Variants in PIEZO2 observed in about 807,000 individuals in gnomAD.
PIEZO2 encodes piezo type mechanosensitive ion channel component 2, also known as piezo-type mechanosensitive ion channel component 2.
Under a neutral mutation model 337.3 loss-of-function variants are expected in PIEZO2, and 172 were observed. That is an observed-to-expected ratio of 0.51 (90% CI 0.45 to 0.58). PIEZO2 has a LOEUF of 0.58. Among genes scored for constraint, PIEZO2 ranks in the 20% least tolerant of loss-of-function variants. PIEZO2 has a pLI of 0.00. For synonymous variants in PIEZO2, 1,251 were observed against 1,228.5 expected (o/e 1.02, Z -0.38); for missense variants, 3,028 against 3,391.3 (o/e 0.89, Z 2.66).
At position 10,813,760 on chromosome 18, in the gene PIEZO2, A is replaced by C. The variant is rs1347257836; in HGVS notation, c.918-6486T>G. On this transcript the variant is annotated intron_variant, in intron 7 of 55. Coordinates refer to ENST00000674853, the MANE Select transcript of PIEZO2 (RefSeq NM_001378183.1). This position sits in a 1 kb window ranked among gnomAD's most constrained non-coding sequence, Gnocchi z 4.2. ...CTTTTCTATATATAGCCATAAGTGA[A>C]ATTGTTGGATCGTATGACCATTCTA... is the stretch of plus-strand genomic sequence containing the variant. Among the ~76,000 whole-genome samples, 1 of 152,040 alleles carries C rather than the reference A, an allele frequency of 6.6e-6. No individual in the cohort carries two copies. The highest frequency in any genetic ancestry group is 1.5e-5 in the Non-Finnish European group (1 of 68,012).
chr18:10,743,753 T>C (rs1252576733), intron 31 of PIEZO2, among the ~76,000 whole-genome samples: 1 of 152,198 alleles, frequency 6.6e-6, no homozygotes, highest in Non-Finnish European at 1.5e-5. Context: ...AGACCTTGTG[T>C]CATTCATTAG....
intron 3 of PIEZO2, among the ~76,000 whole-genome samples, chr18:10,965,909 A>C (rs1017880309): frequency 6.6e-6 from 1 of 152,220 alleles, no homozygotes; most frequent in African/African-American, 2.4e-5. Flanking sequence ...TATAAGGTCC[A>C]TGAGGGGAAG....
intron 1 of PIEZO2, among the ~76,000 whole-genome samples, chr18:11,075,066 C>T (rs1178180090): frequency 1.3e-5 from 2 of 152,152 alleles, no homozygotes; most frequent in Non-Finnish European, 2.9e-5. Flanking sequence ...TCTTTATTGC[C>T]TCAAGGAGCT....
chr18:11,141,233 T>C (rs993710600), intron 1 of PIEZO2, among the ~76,000 whole-genome samples: 1 of 152,194 alleles, frequency 6.6e-6, no homozygotes, highest in Non-Finnish European at 1.5e-5. Flanking sequence ...AAGAGCCTAT[T>C]TGCCGCCAGT....
rs572449615 is a variant in PIEZO2, at chr18:10,879,458, C to CGAT, written c.330-8046_330-8044dup. On this transcript the variant is annotated intron_variant, in intron 4 of 55. Transcript: ENST00000674853. ...TTGCCCAGGCTGGAGTGCAGTAGTGCGATCTCGGCTCACTGCAAGCTCCGC... is the reference window on the plus strand; with the variant it reads ...TTGCCCAGGCTGGAGTGCAGTAGTGCGATGATCTCGGCTCACTGCAAGCTCCGC... 4.6e-3 allele frequency among the ~76,000 whole-genome samples: 593 copies of CGAT among 128,866 alleles called. 1 individual carries two copies. The highest frequency in any genetic ancestry group is 0.024 in the Middle Eastern group (4 of 170). The allele number at this position is 128,866 out of a possible 152,430, so 84.5% of individuals were successfully genotyped here. A position where few individuals can be genotyped will look rare whatever the true frequency, so the allele number is the denominator to read the frequency against.
At chr18:11,076,700 A>G (rs1443094756) in intron 1 of PIEZO2, among the ~76,000 whole-genome samples, 2 of 152,230 alleles carry the variant, frequency 1.3e-5, no homozygotes, top group Non-Finnish European at 2.9e-5. Context: ...TTCACATCAT[A>G]TATTAGTAAC....
At chr18:10,704,727 C>T (rs1271946826) in intron 41 of PIEZO2, 75 bp from the exon 42 acceptor site, 4 of 1,474,764 alleles carry the variant, frequency 2.7e-6, no homozygotes, top group African/African-American at 2.8e-5. Context: ...TCTTGTTGCC[C>T]AGGCTGGAGT....
intron 18 of PIEZO2, among the ~76,000 whole-genome samples, chr18:10,776,813 T>TC (rs1289076589): frequency 6.6e-6 from 1 of 152,096 alleles, no homozygotes; most frequent in Non-Finnish European, 1.5e-5. Context: ...GCTTTTTTTT[T>TC]CCTTCCTAGC....
chr18:10,929,891 C>T lies in PIEZO2; in HGVS notation c.287-18663G>A, dbSNP rs529907871. Among the ~76,000 whole-genome samples, 1 of 152,258 alleles carries T rather than the reference C, an allele frequency of 6.6e-6. No individual in the cohort carries two copies. Among genetic ancestry groups the T allele is most frequent in the East Asian group, 1.9e-4 (1 of 5,184 alleles). ...CTCAGCCCAGGAGGCCCAAAGAAGCCTAAAAAACCAGTTCAGACAATGACA... is the reference window on the plus strand; with the variant it reads ...CTCAGCCCAGGAGGCCCAAAGAAGCTTAAAAAACCAGTTCAGACAATGACA... On this transcript the variant is annotated intron_variant, in intron 3 of 55. Transcript: ENST00000674853. This position sits in a 1 kb window ranked among gnomAD's most constrained non-coding sequence, Gnocchi z 5.6.
chr18:10,808,822 G>A (rs745477631), intron 7 of PIEZO2, among the ~76,000 whole-genome samples: 7 of 152,122 alleles, frequency 4.6e-5, no homozygotes, highest in Non-Finnish European at 7.4e-5. Context: ...AAAGCTTTTC[G>A]ATGTAAAATC....
At position 10,783,254 on chromosome 18, in the gene PIEZO2, G is replaced by A. The variant is rs1189704638; in HGVS notation, c.2492+1530C>T. Reference sequence around the variant, plus strand: ...AAATACTTTGTAATTATTGAATAGGGCCCTTGAAAAGAATGGTGAGGGCTT... The same window carrying A: ...AAATACTTTGTAATTATTGAATAGGACCCTTGAAAAGAATGGTGAGGGCTT... On this transcript the variant is annotated intron_variant, in intron 17 of 55. Coordinates refer to ENST00000674853, the MANE Select transcript of PIEZO2 (RefSeq NM_001378183.1). The surrounding 1 kb of genome is among the most constrained non-coding windows in gnomAD (Gnocchi z 4.3). Among the ~76,000 whole-genome samples, 1 of 151,994 alleles carries A rather than the reference G, an allele frequency of 6.6e-6. No individual in the cohort carries two copies. Among genetic ancestry groups the A allele is most frequent in the Non-Finnish European group, 1.5e-5 (1 of 67,998 alleles).
At position 10,691,363 on chromosome 18, in the gene PIEZO2, A is replaced by T; in HGVS notation, c.7211T>A (p.Val2404Asp). ...VTERKFSQNLVAQLWYFVKCV... is the reference protein window; with the variant it reads ...VTERKFSQNLDAQLWYFVKCV... ...TTTCACAAAGTACCAAAGCTGGGCAACCAGGTTCTGGCTGAATTTCCTAAA... is the reference window on the plus strand; with the variant it reads ...TTTCACAAAGTACCAAAGCTGGGCATCCAGGTTCTGGCTGAATTTCCTAAA... Residue 2404 changes from valine to aspartate, a missense_variant, in exon 48 of 56, where the codon GTT becomes GAT. This residue lies in a region of PIEZO2 where 179 missense variants were observed against 281.8 expected (regional missense o/e 0.64). Transcript: ENST00000674853. The T allele has an allele frequency of 6.2e-7, 1 of 1,612,864 alleles. No homozygotes were observed. The highest frequency in any genetic ancestry group is 8.5e-7 in the Non-Finnish European group (1 of 1,179,550).
intron 4 of PIEZO2, among the ~76,000 whole-genome samples, chr18:10,885,199 C>A (rs966462615): frequency 6.6e-6 from 1 of 151,906 alleles, no homozygotes; most frequent in African/African-American, 2.4e-5. Flanking sequence ...CCGAGGCGGG[C>A]GGATCATGAG....
intron 2 of PIEZO2, among the ~76,000 whole-genome samples, chr18:11,005,071 A>G (rs1598814378): frequency 6.6e-6 from 1 of 152,246 alleles, no homozygotes; most frequent in South Asian, 2.1e-4. Context: ...TTCCACTTCA[A>G]GCCAACAAGA....
At position 11,023,780 on chromosome 18, in the gene PIEZO2, G is replaced by A. The variant is rs746781966; in HGVS notation, c.160+42347C>T. 3.2e-4 allele frequency among the ~76,000 whole-genome samples: 48 copies of A among 152,352 alleles called. 1 individual carries two copies. Among genetic ancestry groups the A allele is most frequent in the African/African-American group, 6.7e-4 (28 of 41,588 alleles). ...TCAGGCATGGTGGGCTGCAGGTCCC[G>A]AACCCTGCCCCGCTGGGAGGCAGCT... On this transcript the variant is annotated intron_variant, in intron 2 of 55. Transcript: ENST00000674853.
At position 10,702,050 on chromosome 18, in the gene PIEZO2, C is replaced by G. The variant is rs1207335509; in HGVS notation, c.6380G>C (p.Gly2127Ala). 2 of 1,536,820 alleles carry G rather than the reference C, an allele frequency of 1.3e-6. No homozygotes were observed. The highest frequency in any genetic ancestry group is 4.9e-5 in the East Asian group (2 of 40,890). Residue 2127 changes from glycine (G) to alanine (A), a missense_variant, in exon 43 of 56, where the codon GGT (glycine) becomes GCT (alanine). Around this residue, in one of 5 missense-constraint regions of PIEZO2, gnomAD observed 1,925 missense variants for 2,051.9 expected, o/e 0.94. Transcript: ENST00000674853. ...PNIIGVEKKE[G>A]YVLYDLIQLL... Reference sequence around the variant, plus strand: ...CTGGATGAGGTCATAGAGAACATAACCTTCCTTCTTTTCCACTCCTATGAT... The same window carrying G: ...CTGGATGAGGTCATAGAGAACATAAGCTTCCTTCTTTTCCACTCCTATGAT...
chr18:11,062,876 G>T (rs1231670322), intron 2 of PIEZO2, among the ~76,000 whole-genome samples: 1 of 152,132 alleles, frequency 6.6e-6, no homozygotes, highest in Non-Finnish European at 1.5e-5. Flanking sequence ...TCTAGAACTA[G>T]AAATACCATT....
intron 51 of PIEZO2, among the ~76,000 whole-genome samples, chr18:10,680,588 G>A (rs2034221595): frequency 6.6e-6 from 1 of 152,152 alleles, no homozygotes; most frequent in African/African-American, 2.4e-5. Flanking sequence ...AATCCCAGCA[G>A]TTGCTACCAT....
At chr18:10,967,662 T>C (rs190723463) in intron 3 of PIEZO2, among the ~76,000 whole-genome samples, 4 of 152,312 alleles carry the variant, frequency 2.6e-5, no homozygotes, top group African/African-American at 7.2e-5. Context: ...TATCACACTG[T>C]GGTTTTGATT....
Sources: allele counts gnomAD v4.1 joint callset (sites outside exome capture counted in the v4.1 genomes callset), GRCh38; gene constraint gnomAD v4.1.1; regional missense constraint gnomAD v4.1.1; non-coding constraint Gnocchi (gnomAD v3.1); transcripts MANE v1.5; gene names NCBI Gene and HGNC (gene_info 2026-07-23, HGNC 2026-07-21).